The following SEC22A variants were observed in gnomAD, a reference collection of about 807,000 sequenced individuals.
SEC22A encodes SEC22 homolog A, vesicle trafficking protein.
SEC22A carries 22 observed loss-of-function variants against 35.3 expected under a neutral mutation model. The ratio of observed to expected loss-of-function variants is 0.62; its 90% CI spans 0.45 to 0.89. SEC22A has a LOEUF of 0.89. SEC22A is among the 40% of genes least tolerant of loss of function. SEC22A has a pLI of 0.00. For synonymous variants in SEC22A, 119 were observed against 129.5 expected, an observed-to-expected ratio of 0.92 and a Z score of 0.55; for missense variants, 354 against 362.5, an observed-to-expected ratio of 0.98 and a Z score of 0.19.
intron 4 of SEC22A, among the ~76,000 whole-genome samples, chr3:123,232,478 A>G (rs1464346058): frequency 6.6e-6 from 1 of 152,202 alleles, no homozygotes; most frequent in East Asian, 1.9e-4. Flanking sequence ...CTCCAGGCCC[A>G]GATACATTTA....
At chr3:123,218,568 A>T (rs1158666796) in intron 2 of SEC22A, among the ~76,000 whole-genome samples, 1 of 152,192 alleles carries the variant, frequency 6.6e-6, no homozygotes, top group Non-Finnish European at 1.5e-5. Context: ...GAAGGTGAGT[A>T]ATTCTACCTG....
At chr3:123,236,208 T>C (rs1246013844) in intron 4 of SEC22A, among the ~76,000 whole-genome samples, 2 of 152,222 alleles carry the variant, frequency 1.3e-5, no homozygotes, top group Non-Finnish European at 2.9e-5. Flanking sequence ...TGGATTATAT[T>C]TCAATTTTTA....
chr3:123,251,991 C>G (rs1937619594), intron 5 of SEC22A, among the ~76,000 whole-genome samples: 1 of 152,114 alleles, frequency 6.6e-6, no homozygotes, highest in Non-Finnish European at 1.5e-5. Flanking sequence ...TAAATGGACA[C>G]AATGATAAAC....
chr3:123,213,063 A>C (rs1456152942), intron 2 of SEC22A, among the ~76,000 whole-genome samples: 2 of 152,212 alleles, frequency 1.3e-5, no homozygotes, highest in African/African-American at 4.8e-5. Flanking sequence ...GGTCTAGTTC[A>C]AGAATACAAT....
chr3:123,265,549 T>C (rs1938007180), intron 6 of SEC22A, among the ~76,000 whole-genome samples: 1 of 152,174 alleles, frequency 6.6e-6, no homozygotes, highest in Admixed American at 6.5e-5. Context: ...ACAAAAGTTT[T>C]TAATTTTGAT....
At chr3:123,235,971 C>G (rs1289934882) in intron 4 of SEC22A, among the ~76,000 whole-genome samples, 1 of 152,102 alleles carries the variant, frequency 6.6e-6, no homozygotes, top group Non-Finnish European at 1.5e-5. Flanking sequence ...TAATCATTCT[C>G]TTTATATGGA....
intron 2 of SEC22A, among the ~76,000 whole-genome samples, chr3:123,221,470 C>CAAAAAAAAA (rs56800842): frequency 4.9e-5 from 3 of 60,612 alleles, no homozygotes; most frequent in African/African-American, 1.4e-4. Flanking sequence ...GAGTCCATCT[C>CAAAAAAAAA]AAAAAAAAAA....
At chr3:123,256,103 T>A (rs1298122926) in intron 5 of SEC22A, among the ~76,000 whole-genome samples, 1 of 152,212 alleles carries the variant, frequency 6.6e-6, no homozygotes, top group African/African-American at 2.4e-5. Context: ...AAAATCTGTA[T>A]TCAAATTTCC....
chr3:123,219,356 G>T (rs976833063), intron 2 of SEC22A, among the ~76,000 whole-genome samples: 1 of 152,166 alleles, frequency 6.6e-6, no homozygotes, highest in Non-Finnish European at 1.5e-5. Context: ...GAATAAAATA[G>T]AGATTGATTT....
At chr3:123,248,722 A>C (rs1576498750) in intron 5 of SEC22A, among the ~76,000 whole-genome samples, 2 of 152,256 alleles carry the variant, frequency 1.3e-5, no homozygotes, top group Non-Finnish European at 2.9e-5. Flanking sequence ...GGATATTAAC[A>C]GTGATTCTAA....
At chr3:123,259,053 GT>G (rs1937815454) in intron 5 of SEC22A, among the ~76,000 whole-genome samples, 1 of 152,104 alleles carries the variant, frequency 6.6e-6, no homozygotes. Flanking sequence ...TAGCTTTTCA[GT>G]TTTCACAGTT....
At chr3:123,249,845 G>T (rs917178434) in intron 5 of SEC22A, among the ~76,000 whole-genome samples, 2 of 152,006 alleles carry the variant, frequency 1.3e-5, no homozygotes, top group African/African-American at 2.4e-5. Context: ...TATCACTCAA[G>T]AAATTACAAA....
chr3:123,239,300 T>G (rs532632664), intron 4 of SEC22A, among the ~76,000 whole-genome samples: 1 of 152,302 alleles, frequency 6.6e-6, no homozygotes, highest in East Asian at 1.9e-4. Context: ...TTCCACTGTT[T>G]TTTATTTTAT....
In SEC22A at chr3:123,272,100, G is replaced by T; in HGVS notation, c.*378G>T. The T allele has an allele frequency of 4.4e-6, 1 of 226,128 alleles. No individual in the cohort carries two copies. Among genetic ancestry groups the T allele is most frequent in the South Asian group, 8.7e-5 (1 of 11,432 alleles). The allele number at this position is 226,128 out of a possible 1,614,324, so 14.0% of individuals were successfully genotyped here. Reference sequence around the variant, plus strand: ...CTACAACCTGAGTTTGCCTTTGTGAGGCATTAGTATAGACCAAATAAAAAG... The same window carrying T: ...CTACAACCTGAGTTTGCCTTTGTGATGCATTAGTATAGACCAAATAAAAAG... On this transcript the variant is annotated 3_prime_UTR_variant, in exon 7 of 7. Transcript: ENST00000492595.
In SEC22A at chr3:123,271,621, A is replaced by C. The variant is rs759512120; in HGVS notation, c.823A>C (p.Asn275His). ...CAACATGTATCTCTATGAACTGCGC[A>C]ACCTCTGGCAGCTTTTCTTTCATGT... is the stretch of plus-strand genomic sequence containing the variant. ...LCNMYLYELR[N>H]LWQLFFHVTV... Residue 275 changes from asparagine to histidine, a missense_variant, in exon 7 of 7, where the codon AAC becomes CAC. Coordinates refer to ENST00000492595, the MANE Select transcript of SEC22A (RefSeq NM_012430.5). 3.1e-6 allele frequency: 5 copies of C among 1,614,196 alleles called. No homozygotes were observed. The East Asian group carries it at 8.9e-5, about 29-fold the overall frequency.
rs369360201 is a variant in SEC22A at position 123,203,530 on chromosome 3, A to G, written c.-20+1544A>G. ...GATAGATGCTATTAGTAGCCACAAT[A>G]TATAGATGTGGAAATTGAGATATAG... On this transcript the variant is annotated intron_variant, in intron 1 of 6. Transcript: ENST00000492595. Among the ~76,000 whole-genome samples, 10 of 152,176 alleles carry G rather than the reference A, an allele frequency of 6.6e-5. No homozygotes were observed. In the East Asian group the frequency reaches 7.7e-4, roughly 12 times the overall value.
At chr3:123,236,600 G>T (rs1288518678) in intron 4 of SEC22A, among the ~76,000 whole-genome samples, 3 of 151,938 alleles carry the variant, frequency 2.0e-5, no homozygotes, top group Non-Finnish European at 4.4e-5. Flanking sequence ...GAATCATATT[G>T]TTCTCTAAAA....
chr3:123,266,917 A>AT (rs1384671175), intron 6 of SEC22A, among the ~76,000 whole-genome samples: 1 of 152,036 alleles, frequency 6.6e-6, no homozygotes, highest in Non-Finnish European at 1.5e-5. Context: ...TGCTTCATAT[A>AT]TTTTGTAGCT....
intron 1 of SEC22A, among the ~76,000 whole-genome samples, chr3:123,205,011 T>C (rs981203138): frequency 2.6e-5 from 4 of 152,158 alleles, no homozygotes; most frequent in African/African-American, 9.7e-5. Context: ...CATGGACAGA[T>C]TTCCTTTTCT....
Sources: allele counts gnomAD v4.1 joint callset (sites outside exome capture counted in the v4.1 genomes callset), GRCh38; gene constraint gnomAD v4.1.1; transcripts MANE v1.5; gene names NCBI Gene and HGNC (gene_info 2026-07-23, HGNC 2026-07-21).